Variants in SORCS1 observed in about 807,000 individuals in gnomAD.
SORCS1 encodes VPS10 domain-containing receptor SorCS1.
SORCS1 carries 60 observed loss-of-function variants against 146.1 expected under a neutral mutation model. That is an observed-to-expected ratio of 0.41 (90% confidence interval 0.33 to 0.51). The LOEUF (loss-of-function observed/expected upper bound fraction) is 0.51, where lower values mean the gene tolerates loss of function less well. Ranked by LOEUF, SORCS1 falls within the 20% of genes least tolerant of loss-of-function variation. The probability of loss-of-function intolerance (pLI) is 0.21; values close to 1 mark genes in which losing one functional copy is unlikely to be tolerated. For synonymous variants in SORCS1, 637 were observed against 584.0 expected (o/e 1.09, Z -1.31); for missense variants, 1,352 against 1,487.6 (o/e 0.91, Z 1.50).
chr10:107,076,303 G>A (rs1197472329), intron 1 of SORCS1, among the ~76,000 whole-genome samples: 1 of 152,042 alleles, frequency 6.6e-6, no homozygotes. Context: ...AGTCTCCAAA[G>A]TCCTACACTC....
intron 18 of SORCS1, among the ~76,000 whole-genome samples, chr10:106,649,461 T>C (rs900334270): frequency 1.3e-5 from 2 of 152,230 alleles, no homozygotes; most frequent in Non-Finnish European, 2.9e-5. Flanking sequence ...ATTGTTTATC[T>C]AAAAAACTAT....
At chr10:106,589,758 T>G (rs1183946250) in intron 24 of SORCS1, among the ~76,000 whole-genome samples, 1 of 151,190 alleles carries the variant, frequency 6.6e-6, no homozygotes, top group African/African-American at 2.4e-5. Context: ...CTAAACAAAT[T>G]ACCATATCTT....
chr10:106,890,919 T>C (rs1467313724), intron 2 of SORCS1, among the ~76,000 whole-genome samples: 1 of 152,156 alleles, frequency 6.6e-6, no homozygotes, highest in African/African-American at 2.4e-5. Context: ...GAGCATCGAT[T>C]CTACTTTATA....
intron 1 of SORCS1, among the ~76,000 whole-genome samples, chr10:107,000,058 A>G (rs1478596807): frequency 6.6e-6 from 1 of 152,208 alleles, no homozygotes; most frequent in Non-Finnish European, 1.5e-5. Context: ...GAACTCACCT[A>G]TGATAGGGCA....
intron 6 of SORCS1, among the ~76,000 whole-genome samples, chr10:106,721,180 A>G (rs1420906759): frequency 6.6e-6 from 1 of 152,132 alleles, no homozygotes; most frequent in Non-Finnish European, 1.5e-5. Context: ...TCAGCATGTC[A>G]GGAAGTGGTA....
At chr10:107,172,693 T>C in the SORCS1 span, among the ~76,000 whole-genome samples, 7 of 152,320 alleles carry the variant, frequency 4.6e-5, no homozygotes, top group South Asian at 1.5e-3. Context: ...CTCACATTTT[T>C]AATAGCCTTT....
At chr10:106,766,912 G>A (rs887014000) in intron 4 of SORCS1, among the ~76,000 whole-genome samples, 4 of 152,214 alleles carry the variant, frequency 2.6e-5, no homozygotes, top group Non-Finnish European at 5.9e-5. Context: ...TGCAGAAAAA[G>A]TGTTCTAGGG....
intron 2 of SORCS1, among the ~76,000 whole-genome samples, chr10:106,895,442 C>T (rs189740769): frequency 6.6e-6 from 1 of 152,202 alleles, no homozygotes; most frequent in East Asian, 1.9e-4. Flanking sequence ...AAAACCTGGT[C>T]TCTACTAAAC....
chr10:106,755,020 T>G (rs1021411867), intron 5 of SORCS1, among the ~76,000 whole-genome samples: 1 of 152,238 alleles, frequency 6.6e-6, no homozygotes, highest in Non-Finnish European at 1.5e-5. Flanking sequence ...GAAGAGTTTC[T>G]AATGAGAAAT....
intron 3 of SORCS1, among the ~76,000 whole-genome samples, chr10:106,828,170 A>G (rs773298948): frequency 6.6e-6 from 1 of 152,182 alleles, no homozygotes; most frequent in Non-Finnish European, 1.5e-5. Context: ...GTAAATCACC[A>G]TGCTTATATA....
chr10:106,932,050 T>C (rs1953448796), intron 2 of SORCS1, among the ~76,000 whole-genome samples: 1 of 152,132 alleles, frequency 6.6e-6, no homozygotes, highest in African/African-American at 2.4e-5. Context: ...TTTGGGGACG[T>C]TGACAGTTAT....
chr10:106,837,057 T>C (rs1281472434), intron 2 of SORCS1, among the ~76,000 whole-genome samples: 1 of 152,248 alleles, frequency 6.6e-6, no homozygotes, highest in Non-Finnish European at 1.5e-5. Flanking sequence ...ACTAGATTCC[T>C]ATTCAGCTTT....
intron 1 of SORCS1, among the ~76,000 whole-genome samples, chr10:107,071,741 A>G (rs1187664134): frequency 6.6e-6 from 1 of 152,258 alleles, no homozygotes; most frequent in Non-Finnish European, 1.5e-5. Context: ...CAGTCCAGTC[A>G]GCGGACAGAA....
intron 1 of SORCS1, among the ~76,000 whole-genome samples, chr10:107,151,059 A>C (rs531431308): frequency 2.6e-5 from 4 of 152,234 alleles, no homozygotes; most frequent in Non-Finnish European, 5.9e-5. Flanking sequence ...GGTAGCAGGC[A>C]GAGGCTGGAA....
At chr10:106,981,222 C>G (rs1181938975) in intron 1 of SORCS1, among the ~76,000 whole-genome samples, 1 of 152,182 alleles carries the variant, frequency 6.6e-6, no homozygotes, top group African/African-American at 2.4e-5. Flanking sequence ...GCTGAAAACA[C>G]TGAATACTGA....
chr10:107,003,927 G>A (rs1359464120), intron 1 of SORCS1, among the ~76,000 whole-genome samples: 3 of 152,112 alleles, frequency 2.0e-5, no homozygotes, highest in Non-Finnish European at 2.9e-5. Flanking sequence ...TGTAATCCCA[G>A]CACTTTGGGA....
intron 1 of SORCS1, among the ~76,000 whole-genome samples, chr10:107,006,575 T>C (rs548692768): frequency 6.6e-6 from 1 of 152,282 alleles, no homozygotes; most frequent in East Asian, 1.9e-4. Flanking sequence ...CCCAGCACTT[T>C]GGGAGGCCGA....
rs373400527 is a variant in SORCS1 at position 106,785,806 on chromosome 10, T to C, written c.727-9114A>G. On this transcript the variant is annotated intron_variant, in intron 3 of 25. Coordinates refer to ENST00000263054, the MANE Select transcript of SORCS1 (RefSeq NM_052918.5). ...CTCTACTGCAGAGCTCTTTGGAAGA[T>C]GGGCCTAGAGGGGGTCATCCAGGAG... 2.6e-5 allele frequency among the ~76,000 whole-genome samples: 4 copies of C among 152,182 alleles called. No individual in the cohort carries two copies. In the East Asian group the frequency reaches 7.7e-4, roughly 29 times the overall value.
At chr10:106,865,311 G>T (rs751514827) in intron 2 of SORCS1, among the ~76,000 whole-genome samples, 2 of 152,254 alleles carry the variant, frequency 1.3e-5, no homozygotes, top group African/African-American at 2.4e-5. Flanking sequence ...GGGAGGGGCA[G>T]GCAGCCATGT....
Sources: gnomAD v4.1 joint callset for allele counts (sites outside exome capture counted in the v4.1 genomes callset) on GRCh38, gnomAD v4.1.1 for gene constraint, MANE v1.5 for transcripts, NCBI Gene and HGNC (gene_info 2026-07-23, HGNC 2026-07-21) for gene names.